Variants in FABP12 observed in about 807,000 individuals in gnomAD.
FABP12 encodes fatty acid binding protein 12, also known as fatty acid-binding protein 12.
A neutral mutation model predicts 13.7 loss-of-function variants in FABP12; 19 were observed. The observed-to-expected ratio is 1.39, with a 90% CI of 0.97 to 2.04. The LOEUF (loss-of-function observed/expected upper bound fraction) is 2.04, where lower values mean the gene tolerates loss of function less well. Among genes scored for constraint, FABP12 ranks in the 30% most tolerant of loss-of-function variants. The pLI is 0.00. For synonymous variants in FABP12, 61 were observed against 57.0 expected (o/e 1.07, Z -0.32); for missense variants, 182 against 164.2 (o/e 1.11, Z -0.59).
At chr8:81,587,236 A>C (rs954434713) in intron 1 of FABP12, among the ~76,000 whole-genome samples, 2 of 152,176 alleles carry the variant, frequency 1.3e-5, no homozygotes, top group Non-Finnish European at 2.9e-5. Context: ...TGATGCTCCC[A>C]GGTTCGTTCT....
At chr8:81,578,827 T>TTTTTTC (rs1810103123) in intron 1 of FABP12, among the ~76,000 whole-genome samples, 1 of 1,338 alleles carries the variant, frequency 7.5e-4, no homozygotes, top group African/African-American at 2.0e-3. Context: ...GTTCAAGTTT[T>TTTTTTC]TTTTTTTTTT....
At chr8:81,529,639 T>C (rs1442755520) in intron 2 of FABP12, 29 bp from the exon 3 acceptor site, 6 of 1,587,056 alleles carry the variant, frequency 3.8e-6, no homozygotes, top group Non-Finnish European at 5.1e-6. Context: ...GAGTATTATC[T>C]TTTTGCATAA....
At chr8:81,536,526 C>T (rs1809226325), upstream of FABP12, among the ~76,000 whole-genome samples, 1 of 152,172 alleles carries the variant, frequency 6.6e-6, no homozygotes. Flanking sequence ...GAACTCAGGC[C>T]TTACTCATTT....
At chr8:81,585,633 G>C (rs1389905877) in intron 1 of FABP12, among the ~76,000 whole-genome samples, 1 of 151,952 alleles carries the variant, frequency 6.6e-6, no homozygotes, top group South Asian at 2.1e-4. Context: ...TTGGCATTTT[G>C]GTAGGAATTT....
chr8:81,558,420 A>G (rs1809658247), intron 1 of FABP12, among the ~76,000 whole-genome samples: 1 of 152,178 alleles, frequency 6.6e-6, no homozygotes, highest in African/African-American at 2.4e-5. Context: ...CTGTACTCGC[A>G]GGAGCCCCCT....
chr8:81,560,919 G>A (rs749003072), intron 1 of FABP12, among the ~76,000 whole-genome samples: 1 of 152,216 alleles, frequency 6.6e-6, no homozygotes, highest in African/African-American at 2.4e-5. Context: ...TTTGGCTGTT[G>A]TATCTTCAGG....
intron 1 of FABP12, among the ~76,000 whole-genome samples, chr8:81,532,529 A>T (rs1319115550): frequency 6.6e-6 from 1 of 152,238 alleles, no homozygotes; most frequent in Non-Finnish European, 1.5e-5. Context: ...GTTGGTAAAG[A>T]TACTATAGTT....
At chr8:81,585,794 T>C (rs1191632040) in intron 1 of FABP12, among the ~76,000 whole-genome samples, 7 of 152,206 alleles carry the variant, frequency 4.6e-5, no homozygotes, top group Admixed American at 4.6e-4. Context: ...CATTAACTTC[T>C]TTGATTAAAT....
At chr8:81,579,185 G>A (rs981357406) in intron 1 of FABP12, among the ~76,000 whole-genome samples, 1 of 150,152 alleles carries the variant, frequency 6.7e-6, no homozygotes, top group Non-Finnish European at 1.5e-5. Context: ...AAATTACTTA[G>A]CACAAGAGAA....
intron 1 of FABP12, among the ~76,000 whole-genome samples, chr8:81,586,234 A>G (rs1439147468): frequency 6.6e-6 from 1 of 151,672 alleles, no homozygotes; most frequent in East Asian, 2.0e-4. Flanking sequence ...TTCTTTATTC[A>G]TCCGACTGTT....
rs532851398 is a variant in FABP12 at position 81,574,314 on chromosome 8, T to C, written c.-185+15739A>G. 3.3e-5 allele frequency among the ~76,000 whole-genome samples: 5 copies of C among 152,298 alleles called. No individual in the cohort carries two copies. The East Asian group carries it at 7.7e-4, about 24-fold the overall frequency. ...CCCTGGTATGAAACCCACTCGATCA[T>C]GGTGGATTATCTTTTTGATATGTTG... On this transcript the variant is annotated intron_variant, in intron 1 of 5. Coordinates refer to the FABP12 transcript ENST00000692030.
chr8:81,576,931 T>C (rs1810057325), intron 1 of FABP12, among the ~76,000 whole-genome samples: 1 of 152,216 alleles, frequency 6.6e-6, no homozygotes, highest in African/African-American at 2.4e-5. Context: ...TGGCAGAAGT[T>C]ATTTCTGTTT....
intron 1 of FABP12, among the ~76,000 whole-genome samples, chr8:81,552,434 T>G (rs142039043): frequency 9.9e-4 from 151 of 152,162 alleles, no homozygotes; most frequent in African/African-American, 3.6e-3. Context: ...TTGGCAGCTG[T>G]TGAAGAGATT....
chr8:81,580,072 C>T (rs1585860604), intron 1 of FABP12, among the ~76,000 whole-genome samples: 1 of 152,176 alleles, frequency 6.6e-6, no homozygotes, highest in Non-Finnish European at 1.5e-5. Context: ...ACAATTGTCC[C>T]TATATTGTTG....
intron 1 of FABP12, among the ~76,000 whole-genome samples, chr8:81,570,275 C>G (rs1809904250): frequency 6.6e-6 from 1 of 152,210 alleles, no homozygotes; most frequent in Non-Finnish European, 1.5e-5. Flanking sequence ...CTCTCCTTCT[C>G]TTTGCTCACA....
At chr8:81,525,806 A>ACTAG (rs1382865084) in intron 4 of FABP12, 12 of 152,202 alleles carry the variant, frequency 7.9e-5, no homozygotes, top group African/African-American at 2.9e-4. Context: ...AAATGATAAT[A>ACTAG]CTAGCTTACA....
intron 1 of FABP12, 97 bp from the exon 2 acceptor site, chr8:81,531,487 C>T (rs563326678): frequency 5.2e-5 from 28 of 539,078 alleles, no homozygotes; most frequent in African/African-American, 3.5e-4. Flanking sequence ...TGAGTATCAT[C>T]TAAAGCAGAA....
chr8:81,578,208 G>A (rs1810087218), intron 1 of FABP12, among the ~76,000 whole-genome samples: 1 of 152,124 alleles, frequency 6.6e-6, no homozygotes, highest in African/African-American at 2.4e-5. Flanking sequence ...AATGTTTTAT[G>A]AGCTTCTGCC....
chr8:81,570,396 A>G (rs906569860), intron 1 of FABP12, among the ~76,000 whole-genome samples: 2 of 152,252 alleles, frequency 1.3e-5, no homozygotes, highest in Non-Finnish European at 2.9e-5. Flanking sequence ...AGAATGAGGC[A>G]TGCAGACACG....
Sources: gnomAD v4.1 joint callset for allele counts (sites outside exome capture counted in the v4.1 genomes callset) on GRCh38, gnomAD v4.1.1 for gene constraint, MANE v1.5 for transcripts, NCBI Gene and HGNC (gene_info 2026-07-23, HGNC 2026-07-21) for gene names.